Variants in NELL2 observed in about 807,000 individuals in gnomAD.
NELL2 encodes protein kinase C-binding protein NELL2.
A neutral mutation model predicts 109.6 loss-of-function variants in NELL2; 41 were observed. The observed-to-expected ratio is 0.37, with a 90% confidence interval of 0.29 to 0.49. The LOEUF (loss-of-function observed/expected upper bound fraction) is 0.49. NELL2 is among the 20% of genes least tolerant of loss of function. The probability of loss-of-function intolerance (pLI) is 0.98; values close to 1 mark genes in which losing one functional copy is unlikely to be tolerated. For missense variants in NELL2, 900 were observed against 1,008.3 expected (o/e 0.89, Z 1.45); for synonymous variants, 355 against 344.7 (o/e 1.03, Z -0.33).
At chr12:44,589,602 A>G (rs1324831686) in intron 15 of NELL2, among the ~76,000 whole-genome samples, 2 of 152,086 alleles carry the variant, frequency 1.3e-5, no homozygotes, top group African/African-American at 2.4e-5. Context: ...GATGGTTTCA[A>G]TCTCTTAACC....
At chr12:44,710,938 C>T (rs1226655321) in intron 11 of NELL2, among the ~76,000 whole-genome samples, 2 of 152,002 alleles carry the variant, frequency 1.3e-5, no homozygotes, top group Non-Finnish European at 2.9e-5. Context: ...ACTCACTTGC[C>T]AAGAAACAGT....
At position 44,703,778 on chromosome 12, in the gene NELL2, A is replaced by G; in HGVS notation, c.1266T>C (p.Cys422=). ...ICRNLNDRAV[C]SCRDGFRALR... The stretch of plus-strand genomic sequence containing the variant: ...GAGCCCTAAAACCATCTCGACAGCT[A>G]CAAACAGCCCTGTCATTCAGATTTC... The change falls in exon 12 of 20, where the codon TGT becomes TGC. Residue 422 remains cysteine, a synonymous_variant. Transcript: ENST00000429094. The G allele has an allele frequency of 6.2e-7, 1 of 1,613,604 alleles. No homozygotes were observed.
intron 15 of NELL2, among the ~76,000 whole-genome samples, chr12:44,573,261 G>T (rs1387262421): frequency 1.3e-5 from 2 of 152,170 alleles, no homozygotes; most frequent in Admixed American, 6.5e-5. Context: ...AAACAGTTTT[G>T]AGATAGGGCA....
At chr12:44,547,209 G>A (rs1423111426) in intron 15 of NELL2, among the ~76,000 whole-genome samples, 1 of 152,150 alleles carries the variant, frequency 6.6e-6, no homozygotes, top group East Asian at 1.9e-4. Context: ...AGTAGCTTCA[G>A]TGCTTTAGTC....
chr12:44,522,960 A>C lies in NELL2; in HGVS notation c.1998+331T>G, dbSNP rs543520283. On this transcript the variant is annotated intron_variant, in intron 17 of 19. Transcript: ENST00000429094. ...GAAATGGATTAGAGATATAGGTACA[A>C]TAGGATTGAATCTCAAAAACATAAT... 1.7e-3 allele frequency: 482 copies of C among 286,574 alleles called. 5 individuals are homozygous for C. The South Asian group carries it at 0.02, about 12-fold the overall frequency. The allele number at this position is 286,574 out of a possible 1,614,324, so 17.8% of individuals were successfully genotyped here.
At chr12:44,723,412 C>T (rs1938897596) in intron 9 of NELL2, among the ~76,000 whole-genome samples, 1 of 152,140 alleles carries the variant, frequency 6.6e-6, no homozygotes, top group Admixed American at 6.5e-5. Flanking sequence ...CCTATGTTAT[C>T]TGATGGAATT....
intron 15 of NELL2, among the ~76,000 whole-genome samples, chr12:44,586,940 C>A (rs1944529701): frequency 6.6e-6 from 1 of 152,080 alleles, no homozygotes; most frequent in Admixed American, 6.6e-5. Flanking sequence ...TAATATCTCT[C>A]ATCTAACATC....
intron 1 of NELL2, among the ~76,000 whole-genome samples, chr12:44,896,843 A>C (rs1165563139): frequency 6.6e-6 from 1 of 152,212 alleles, no homozygotes; most frequent in Non-Finnish European, 1.5e-5. Flanking sequence ...CTTTAGATGC[A>C]CGAGATGGAC....
intron 15 of NELL2, among the ~76,000 whole-genome samples, chr12:44,545,768 TGATA>T (rs1942770481): frequency 6.6e-6 from 1 of 152,098 alleles, no homozygotes; most frequent in Admixed American, 6.6e-5. Context: ...TCAGGTGATA[TGATA>T]GAGAATATGG....
At chr12:44,618,280 T>C (rs1208649629) in intron 13 of NELL2, among the ~76,000 whole-genome samples, 1 of 152,196 alleles carries the variant, frequency 6.6e-6, no homozygotes, top group Non-Finnish European at 1.5e-5. Flanking sequence ...TATTCAATAC[T>C]GACTTCTTGT....
chr12:44,571,092 TATAAAG>T (rs1201737064), intron 15 of NELL2, among the ~76,000 whole-genome samples: 2 of 152,170 alleles, frequency 1.3e-5, no homozygotes, highest in Non-Finnish European at 2.9e-5. Flanking sequence ...GGTAGAATCT[TATAAAG>T]AAGTTCTTAA....
At chr12:44,848,920 C>T (rs980582025) in intron 2 of NELL2, among the ~76,000 whole-genome samples, 2 of 152,158 alleles carry the variant, frequency 1.3e-5, no homozygotes, top group Non-Finnish European at 2.9e-5. Context: ...CTTTCCTTCC[C>T]ACTCACCCAC....
intron 19 of NELL2, among the ~76,000 whole-genome samples, chr12:44,519,420 T>C (rs868517272): frequency 1.3e-5 from 2 of 152,332 alleles, no homozygotes; most frequent in South Asian, 2.1e-4. Flanking sequence ...AGAGCTCTAT[T>C]TTCCAATGAG....
intron 13 of NELL2, among the ~76,000 whole-genome samples, chr12:44,640,274 T>C (rs1592252288): frequency 1.3e-5 from 2 of 152,306 alleles, no homozygotes; most frequent in East Asian, 3.9e-4. Context: ...ACTGAGTCTC[T>C]TAGTCTTCAC....
intron 1 of NELL2, among the ~76,000 whole-genome samples, chr12:44,908,850 A>C (rs1158181718): frequency 6.6e-6 from 1 of 152,012 alleles, no homozygotes; most frequent in Non-Finnish European, 1.5e-5. Flanking sequence ...AATCATTAAT[A>C]TTAAAAGGGA....
At chr12:44,550,983 C>G (rs1193944552) in intron 15 of NELL2, among the ~76,000 whole-genome samples, 1 of 152,052 alleles carries the variant, frequency 6.6e-6, no homozygotes, top group East Asian at 1.9e-4. Flanking sequence ...TCTTTTATAT[C>G]TAAGAGAGTA....
intron 9 of NELL2, among the ~76,000 whole-genome samples, chr12:44,769,630 T>C (rs1224131269): frequency 1.3e-5 from 2 of 152,120 alleles, no homozygotes; most frequent in Admixed American, 6.6e-5. Flanking sequence ...ACCCATCAAA[T>C]ACATACATAA....
At chr12:44,854,700 A>G (rs940975301) in intron 2 of NELL2, among the ~76,000 whole-genome samples, 6 of 135,452 alleles carry the variant, frequency 4.4e-5, no homozygotes, top group Admixed American at 7.9e-5. Flanking sequence ...GGATGGGTGG[A>G]TGGATGGGTG....
intron 13 of NELL2, among the ~76,000 whole-genome samples, chr12:44,662,152 C>T (rs1947766922): frequency 6.6e-6 from 1 of 152,122 alleles, no homozygotes. Context: ...ATTTCCACAA[C>T]TTTGGAATAG....
Sources: allele counts gnomAD v4.1 joint callset (sites outside exome capture counted in the v4.1 genomes callset), GRCh38; gene constraint gnomAD v4.1.1; transcripts MANE v1.5; gene names NCBI Gene and HGNC (gene_info 2026-07-23, HGNC 2026-07-21).